Variants in MSH6 observed in about 807,000 individuals in gnomAD.
MSH6 encodes DNA mismatch repair protein Msh6.
A neutral mutation model predicts 119.1 loss-of-function variants in MSH6; 85 were observed. That is an observed-to-expected ratio of 0.71 (90% CI 0.60 to 0.85). The LOEUF (loss-of-function observed/expected upper bound fraction) is 0.85. Ranked by LOEUF, MSH6 falls within the 40% of genes least tolerant of loss-of-function variation. The pLI, the probability that MSH6 is intolerant of heterozygous loss-of-function variation, is 0.00. For missense variants in MSH6, 2,163 were observed against 1,655.3 expected, an observed-to-expected ratio of 1.31 and a Z score of -5.32; for synonymous variants, 830 against 586.9, an observed-to-expected ratio of 1.41 and a Z score of -5.99.
At chr2:47,806,094 A>G in intron 7 of MSH6, 110 bp from the exon 8 acceptor site, 1 of 1,026,504 alleles carries the variant, frequency 9.7e-7, no homozygotes, top group South Asian at 1.3e-5. Flanking sequence ...ATGCTTTTAG[A>G]CGTGGATGTA....
At chr2:47,793,674 C>T (rs554047182) in intron 2 of MSH6, among the ~76,000 whole-genome samples, 18 of 151,138 alleles carry the variant, frequency 1.2e-4, no homozygotes, top group African/African-American at 4.4e-4. Context: ...TCTCATTGAA[C>T]CAGATGATAT....
rs730881803 is a variant in MSH6, at chr2:47,803,447, G to T, written c.3200G>T (p.Ser1067Ile). ...LDVLLCLANY[S>I]RGGDGPMCRP... Reference sequence around the variant, plus strand: ...GTTTTACTGTGCCTGGCTAACTATAGTCGAGGGGGTGATGGTCCTATGTGT... The same window carrying T: ...GTTTTACTGTGCCTGGCTAACTATATTCGAGGGGGTGATGGTCCTATGTGT... The change falls in exon 5 of 10, where the codon AGT becomes ATT. Residue 1067 changes from serine to isoleucine, a missense_variant. Physicochemically the swap from Ser to Ile is moderately radical, Grantham distance 142. Coordinates refer to ENST00000234420, the MANE Select transcript of MSH6 (RefSeq NM_000179.3). The T allele has an allele frequency of 6.2e-7, 1 of 1,614,134 alleles. No homozygotes were observed. Among genetic ancestry groups the T allele is most frequent in the Non-Finnish European group, 8.5e-7 (1 of 1,180,040 alleles).
At position 47,783,299 on chromosome 2, in the gene MSH6, G is replaced by A. The variant is rs1305111983; in HGVS notation, c.66G>A (p.Lys22=). ...PKSPALSDAN[K]ASARASREGG... ...CTCCGGCGCTGAGTGATGCCAACAAGGCCTCGGCCAGGGCCTCACGCGAAG... is the reference window on the plus strand; with the variant it reads ...CTCCGGCGCTGAGTGATGCCAACAAAGCCTCGGCCAGGGCCTCACGCGAAG... The change falls in exon 1 of 10, where the codon AAG becomes AAA. Residue 22 remains lysine (K), a synonymous_variant. Coordinates refer to ENST00000234420, the MANE Select transcript of MSH6 (RefSeq NM_000179.3). 1 of 1,612,126 alleles carries A rather than the reference G, an allele frequency of 6.2e-7. No homozygotes were observed. Among genetic ancestry groups the A allele is most frequent in the Non-Finnish European group, 8.5e-7 (1 of 1,179,564 alleles).
At chr2:47,802,857 T>C (rs1669683322) in intron 4 of MSH6, among the ~76,000 whole-genome samples, 1 of 152,176 alleles carries the variant, frequency 6.6e-6, no homozygotes, top group Non-Finnish European at 1.5e-5. Context: ...GTGCCAACTT[T>C]GGCACATTCT....
At chr2:47,793,295 T>C (rs1354353690) in intron 2 of MSH6, among the ~76,000 whole-genome samples, 1 of 114,944 alleles carries the variant, frequency 8.7e-6, no homozygotes, top group Admixed American at 1.3e-4. Flanking sequence ...CACTCCAACC[T>C]GGGTGACAGA....
chr2:47,809,281 AGAAT>A (rs1266778051), downstream of MSH6: 19 of 1,458,424 alleles, frequency 1.3e-5, no homozygotes, highest in Non-Finnish European at 1.8e-5. Flanking sequence ...AATAAAAGAA[AGAAT>A]AAGTAAAAAT....
chr2:47,799,651 T>C lies in MSH6; in HGVS notation c.1668T>C (p.Tyr556=), dbSNP rs730882130. 21 of 1,614,174 alleles carry C rather than the reference T, an allele frequency of 1.3e-5. No homozygotes were observed. Among genetic ancestry groups the C allele is most frequent in the Non-Finnish European group, 1.7e-5 (20 of 1,180,038 alleles). Residue 556 remains tyrosine, a synonymous_variant, in exon 4 of 10, where the codon TAT becomes TAC. Transcript: ENST00000234420. ...EEDSSGHTRA[Y]GVCFVDTSLG... is the part of the protein sequence containing the mutation. ...ATTCTTCTGGCCATACTCGTGCATA[T>C]GGTGTGTGCTTTGTTGATACTTCAC... is the stretch of plus-strand genomic sequence containing the variant.
At chr2:47,798,283 C>T (rs1558658427) in intron 3 of MSH6, among the ~76,000 whole-genome samples, 2 of 152,186 alleles carry the variant, frequency 1.3e-5, no homozygotes, top group Non-Finnish European at 2.9e-5. Context: ...ATCCCATCCA[C>T]AACTTATGAT....
intron 2 of MSH6, among the ~76,000 whole-genome samples, 164 bp downstream of exon 2, chr2:47,791,287 G>A (rs1304164217): frequency 6.6e-6 from 1 of 152,142 alleles, no homozygotes; most frequent in Non-Finnish European, 1.5e-5. Context: ...ATGGGAAAGG[G>A]ATGTAACATG....
rs761231891 is a variant in MSH6 at position 47,799,738 on chromosome 2, A to T, written c.1755A>T (p.Leu585=). 1.2e-6 allele frequency: 2 copies of T among 1,614,194 alleles called. No homozygotes were observed. Among genetic ancestry groups the T allele is most frequent in the South Asian group, 2.2e-5 (2 of 91,082 alleles). The change falls in exon 4 of 10, where the codon CTA becomes CTT. Residue 585 remains leucine (L), a synonymous_variant. Transcript: ENST00000234420. Reference sequence around the variant, plus strand: ...GCCATTGTTCGAGATTTAGGACTCTAGTGGCACACTATCCCCCAGTACAAG... The same window carrying T: ...GCCATTGTTCGAGATTTAGGACTCTTGTGGCACACTATCCCCCAGTACAAG... The part of the protein sequence containing the change: ...DDRHCSRFRT[L]VAHYPPVQVL...
rs1553413648 is a variant in MSH6 at position 47,800,253 on chromosome 2, C to A, written c.2270C>A (p.Thr757Asn). 1 of 1,614,134 alleles carries A rather than the reference C, an allele frequency of 6.2e-7. No individual in the cohort carries two copies. The highest frequency in any genetic ancestry group is 1.7e-5 in the Admixed American group (1 of 60,026). The change falls in exon 4 of 10, where the codon ACC becomes AAC. Residue 757 changes from threonine (T) to asparagine (N), a missense_variant. Transcript: ENST00000234420. ...GGAACAAATGGTTCTACTGAAGGAACCCTACTAGAGAGGGTTGATACTTGC... is the reference window on the plus strand; with the variant it reads ...GGAACAAATGGTTCTACTGAAGGAAACCTACTAGAGAGGGTTGATACTTGC... The part of the protein sequence containing the change: ...LNGTNGSTEG[T>N]LLERVDTCHT...
chr2:47,805,664 C>A lies in MSH6; in HGVS notation c.3603C>A (p.Leu1201=), dbSNP rs761458936. The change falls in exon 7 of 10, where the codon CTC becomes CTA. Residue 1201 remains leucine (L), a synonymous_variant. Coordinates refer to ENST00000234420, the MANE Select transcript of MSH6 (RefSeq NM_000179.3). ...FVELSETASI[L]MHATAHSLVL... ...AATTAAGTGAAACTGCCAGCATACT[C>A]ATGCATGCAACAGCACATTCTCTGG... 6.2e-7 allele frequency: 1 copy of A among 1,613,414 alleles called. No homozygotes were observed. The highest frequency in any genetic ancestry group is 8.5e-7 in the Non-Finnish European group (1 of 1,179,594).
At chr2:47,785,835 A>G (rs1469282922) in intron 1 of MSH6, among the ~76,000 whole-genome samples, 1 of 152,222 alleles carries the variant, frequency 6.6e-6, no homozygotes, top group Non-Finnish European at 1.5e-5. Flanking sequence ...TGAATAGCGT[A>G]TGTTATTTGT....
At position 47,795,994 on chromosome 2, in the gene MSH6, C is replaced by G. The variant is rs587779943; in HGVS notation, c.558C>G (p.Asp186Glu). ...GTGCAGATGAAGCCTTAAATAAAGA[C>G]AAGATTAAGAGGCTTGAATTGGCAG... ...MQRADEALNK[D>E]KIKRLELAVC... The change falls in exon 3 of 10, where the codon GAC becomes GAG. Residue 186 changes from aspartate to glutamate, a missense_variant. Coordinates refer to ENST00000234420, the MANE Select transcript of MSH6 (RefSeq NM_000179.3). The G allele has an allele frequency of 4.3e-6, 7 of 1,613,798 alleles. No homozygotes were observed. In the East Asian group the frequency reaches 6.7e-5, roughly 15 times the overall value.
At chr2:47,798,518 A>C in intron 3 of MSH6, 93 bp from the exon 4 acceptor site, 3 of 1,368,396 alleles carry the variant, frequency 2.2e-6, no homozygotes, top group Non-Finnish European at 3.0e-6. Context: ...CACGGGTACC[A>C]TTATAAAGTC....
Position 47,805,681 on chromosome 2 carries a change from A to AT in MSH6, c.3622dup (p.Ser1208PhefsTer7), listed in dbSNP as rs1553332733. 2 of 1,612,374 alleles carry AT rather than the reference A, an allele frequency of 1.2e-6. No individual in the cohort carries two copies. Among genetic ancestry groups the AT allele is most frequent in the African/African-American group, 2.7e-5 (2 of 74,978 alleles). On this transcript the variant is annotated frameshift_variant, in exon 7 of 10. Transcript: ENST00000234420. LOFTEE classifies it high-confidence loss of function. The stretch of plus-strand genomic sequence containing the variant: ...AGCATACTCATGCATGCAACAGCAC[A>AT]TTCTCTGGTGCTTGTGGATGAATTA...
rs746897461 is a variant in MSH6, at chr2:47,799,520, A to G, written c.1537A>G (p.Ile513Val). The G allele has an allele frequency of 2.4e-5, 39 of 1,614,146 alleles. No individual in the cohort carries two copies. Among genetic ancestry groups the G allele is most frequent in the Non-Finnish European group, 3.2e-5 (38 of 1,180,022 alleles). Reference protein sequence around the residue: ...SKYDRVVRREICRIITKGTQT... With the variant: ...SKYDRVVRREVCRIITKGTQT... ...GTATGATAGAGTGGTGAGGAGGGAG[A>G]TCTGTAGGATCATTACCAAGGGTAC... Residue 513 changes from isoleucine (I) to valine (V), a missense_variant, in exon 4 of 10, where the codon ATC becomes GTC. Ile to Val is a conservative substitution (Grantham distance 29, BLOSUM62 3). Transcript: ENST00000234420.
chr2:47,791,110 A>G lies in MSH6; in HGVS notation c.444A>G (p.Leu148=), dbSNP rs868629668. ...PTRGWVSKRL[L]KPYTGSKSKE... ...GGGGCTGGGTTAGCAAAAGGCTTTTAAAGCCATATACAGGTAAGAGTCACT... is the reference window on the plus strand; with the variant it reads ...GGGGCTGGGTTAGCAAAAGGCTTTTGAAGCCATATACAGGTAAGAGTCACT... Residue 148 remains leucine, a synonymous_variant, in exon 2 of 10, where the codon TTA becomes TTG. Coordinates refer to ENST00000234420, the MANE Select transcript of MSH6 (RefSeq NM_000179.3). The G allele has an allele frequency of 2.5e-6, 4 of 1,614,154 alleles. No individual in the cohort carries two copies. The highest frequency in any genetic ancestry group is 3.3e-4 in the Middle Eastern group (2 of 6,062).
intron 2 of MSH6, 105 bp from the exon 3 acceptor site, chr2:47,795,789 G>C: frequency 1.1e-6 from 1 of 939,738 alleles, no homozygotes; most frequent in Non-Finnish European, 1.7e-6. Flanking sequence ...TTTTAAGATA[G>C]AGATGGGGTT....
Sources: allele counts gnomAD v4.1 joint callset (sites outside exome capture counted in the v4.1 genomes callset), GRCh38; gene constraint gnomAD v4.1.1; transcripts MANE v1.5; gene names NCBI Gene and HGNC (gene_info 2026-07-23, HGNC 2026-07-21).